The following PAK1 variants were observed in gnomAD, a reference collection of about 807,000 sequenced individuals.
PAK1 encodes the protein serine/threonine-protein kinase PAK 1.
A neutral mutation model predicts 67.4 loss-of-function variants in PAK1; 29 were observed. The observed-to-expected ratio is 0.43, with a 90% CI of 0.32 to 0.59. The LOEUF (loss-of-function observed/expected upper bound fraction) is 0.59. Ranked by LOEUF, PAK1 falls within the 20% of genes least tolerant of loss-of-function variation. The pLI is 0.07. For missense variants in PAK1, 337 were observed against 670.7 expected, an observed-to-expected ratio of 0.50 and a Z score of 5.50; for synonymous variants, 223 against 237.4, an observed-to-expected ratio of 0.94 and a Z score of 0.56.
intron 5 of PAK1, among the ~76,000 whole-genome samples, chr11:77,360,400 G>A (rs1946623621): frequency 6.6e-6 from 1 of 152,082 alleles, no homozygotes; most frequent in Non-Finnish European, 1.5e-5. Context: ...ACCTTAAATC[G>A]CTTTAAGTTC....
intron 5 of PAK1, among the ~76,000 whole-genome samples, chr11:77,372,757 T>A (rs1158084259): frequency 6.6e-6 from 1 of 152,234 alleles, no homozygotes; most frequent in Non-Finnish European, 1.5e-5. Context: ...TGTGCAAGTA[T>A]GCCTCATGAA....
chr11:77,437,084 C>T (rs1358932289), intron 1 of PAK1, among the ~76,000 whole-genome samples: 1 of 152,122 alleles, frequency 6.6e-6, no homozygotes, highest in Non-Finnish European at 1.5e-5. Context: ...GGGATAACAA[C>T]ACTAAATCAT....
intron 1 of PAK1, among the ~76,000 whole-genome samples, chr11:77,450,488 C>T (rs1956807019): frequency 6.6e-6 from 1 of 152,144 alleles, no homozygotes; most frequent in Non-Finnish European, 1.5e-5. Flanking sequence ...TGAAATCCTG[C>T]AAATCCTTAT....
chr11:77,525,441 C>T, the PAK1 span, among the ~76,000 whole-genome samples: 1 of 152,192 alleles, frequency 6.6e-6, no homozygotes, highest in Non-Finnish European at 1.5e-5. Flanking sequence ...TTACATGGAG[C>T]AGGCCATTTT....
chr11:77,442,963 C>G (rs1405037932), intron 1 of PAK1, among the ~76,000 whole-genome samples: 1 of 152,162 alleles, frequency 6.6e-6, no homozygotes, highest in Non-Finnish European at 1.5e-5. Context: ...AGAGATATCA[C>G]CTTCCTTGCA....
the PAK1 span, among the ~76,000 whole-genome samples, chr11:77,493,091 T>C: frequency 6.6e-6 from 1 of 152,202 alleles, no homozygotes; most frequent in East Asian, 1.9e-4. Flanking sequence ...GCCTCCTGAA[T>C]AGCTGGGACT....
At chr11:77,399,382 G>A (rs796541492) in intron 1 of PAK1, among the ~76,000 whole-genome samples, 6 of 152,300 alleles carry the variant, frequency 3.9e-5, no homozygotes, top group African/African-American at 1.4e-4. Flanking sequence ...CAGAAAAGAG[G>A]TGGTATTAAG....
intron 6 of PAK1, among the ~76,000 whole-genome samples, chr11:77,356,999 G>C (rs1329280681): frequency 6.6e-6 from 1 of 152,084 alleles, no homozygotes; most frequent in Non-Finnish European, 1.5e-5. Flanking sequence ...AGGGAATGTG[G>C]GTCATTCATC....
At chr11:77,418,671 C>T (rs954830812) in intron 1 of PAK1, among the ~76,000 whole-genome samples, 7 of 152,192 alleles carry the variant, frequency 4.6e-5, no homozygotes, top group African/African-American at 7.2e-5. Context: ...TCCAAGCTTA[C>T]TCATCTAAAT....
chr11:77,358,222 G>A (rs1003592910), intron 6 of PAK1, among the ~76,000 whole-genome samples: 2 of 151,828 alleles, frequency 1.3e-5, no homozygotes, highest in Admixed American at 6.6e-5. Flanking sequence ...CTTAGTAAAA[G>A]ACCTAAACAA....
At chr11:77,377,789 G>A (rs1949294253) in intron 4 of PAK1, among the ~76,000 whole-genome samples, 1 of 152,170 alleles carries the variant, frequency 6.6e-6, no homozygotes, top group African/African-American at 2.4e-5. Context: ...CTAACCTGAT[G>A]TTTCCATGAC....
chr11:77,354,445 G>C (rs1457168452), intron 7 of PAK1, among the ~76,000 whole-genome samples: 1 of 152,122 alleles, frequency 6.6e-6, no homozygotes, highest in Non-Finnish European at 1.5e-5. Flanking sequence ...GAAAAATGAG[G>C]TTTAGAGAAC....
At chr11:77,505,330 G>T in the PAK1 span, among the ~76,000 whole-genome samples, 1 of 152,064 alleles carries the variant, frequency 6.6e-6, no homozygotes, top group South Asian at 2.1e-4. Flanking sequence ...TGGGATTACA[G>T]GTCCCTGCCA....
intron 5 of PAK1, among the ~76,000 whole-genome samples, chr11:77,365,648 T>C (rs984612617): frequency 6.6e-6 from 1 of 151,616 alleles, no homozygotes; most frequent in Admixed American, 6.6e-5. Context: ...GCCTGGCCAA[T>C]ATGGTGAAAC....
chr11:77,426,337 A>G (rs1418265281), intron 1 of PAK1, among the ~76,000 whole-genome samples: 2 of 152,146 alleles, frequency 1.3e-5, no homozygotes, highest in African/African-American at 4.8e-5. Flanking sequence ...TAAGCCAGGG[A>G]CAATGCTTAG....
intron 4 of PAK1, among the ~76,000 whole-genome samples, chr11:77,378,537 T>C (rs1024612783): frequency 5.9e-5 from 9 of 152,202 alleles, no homozygotes; most frequent in African/African-American, 1.9e-4. Context: ...TCTATGGTGA[T>C]GTTTTACAAC....
At chr11:77,400,976 G>C (rs1485083142) in intron 1 of PAK1, among the ~76,000 whole-genome samples, 2 of 152,192 alleles carry the variant, frequency 1.3e-5, no homozygotes, top group African/African-American at 4.8e-5. Flanking sequence ...CTGAAATTAG[G>C]CCTGTGTGGT....
chr11:77,382,325 T>C (rs936946798), intron 2 of PAK1, among the ~76,000 whole-genome samples: 2 of 152,190 alleles, frequency 1.3e-5, no homozygotes, highest in Non-Finnish European at 1.5e-5. Context: ...CTGCTTCTAC[T>C]GAGCACTCTT....
intron 11 of PAK1, among the ~76,000 whole-genome samples, chr11:77,337,775 C>T (rs674259): frequency 0.24 from 37,075 of 151,710 alleles, 5,128 homozygotes; most frequent in Non-Finnish European, 0.31. Context: ...AATGACAGAC[C>T]AGAGGAAAAC....
Sources: gnomAD v4.1 joint callset for allele counts (sites outside exome capture counted in the v4.1 genomes callset) on GRCh38, gnomAD v4.1.1 for gene constraint, MANE v1.5 for transcripts, NCBI Gene and HGNC (gene_info 2026-07-23, HGNC 2026-07-21) for gene names.